Variants in FNBP4 observed in about 807,000 individuals in gnomAD.
FNBP4 encodes formin-binding protein 4.
A neutral mutation model predicts 119.3 loss-of-function variants in FNBP4; 34 were observed. The observed-to-expected ratio is 0.28, with a 90% CI of 0.22 to 0.38. The LOEUF (loss-of-function observed/expected upper bound fraction) is 0.38, where lower values mean the gene tolerates loss of function less well. Among genes scored for constraint, FNBP4 ranks in the 10% least tolerant of loss-of-function variants. The probability of loss-of-function intolerance (pLI) is 1.00; values close to 1 mark genes in which losing one functional copy is unlikely to be tolerated. For missense variants in FNBP4, 1,112 were observed against 1,228.9 expected, an observed-to-expected ratio of 0.90 and a Z score of 1.42; for synonymous variants, 462 against 430.6, an observed-to-expected ratio of 1.07 and a Z score of -0.90.
At position 47,732,418 on chromosome 11, in the gene FNBP4, C is replaced by G; in HGVS notation, c.1820+119G>C. The G allele has an allele frequency of 6.5e-7, 1 of 1,547,140 alleles. No individual in the cohort carries two copies. The highest frequency in any genetic ancestry group is 2.3e-5 in the East Asian group (1 of 44,306). ...CTTGCGGTGCTTTGCCTGCCCAGCA[C>G]CGCTAACTGCAGCTGCTCTCAGTCT... On this transcript the variant is annotated intron_variant, in intron 11 of 16. Coordinates refer to ENST00000263773, the MANE Select transcript of FNBP4 (RefSeq NM_015308.5). This position sits in a 1 kb window ranked among gnomAD's most constrained non-coding sequence, Gnocchi z 4.2.
chr11:47,760,714 G>A (rs763524398), intron 2 of FNBP4, among the ~76,000 whole-genome samples: 28 of 152,020 alleles, frequency 1.8e-4, no homozygotes, highest in Non-Finnish European at 2.8e-4. Context: ...GATCACAGGC[G>A]TGAGCCACCC....
intron 15 of FNBP4, among the ~76,000 whole-genome samples, chr11:47,722,111 C>A (rs1270944866): frequency 6.8e-6 from 1 of 146,000 alleles, no homozygotes; most frequent in Non-Finnish European, 1.5e-5. Flanking sequence ...CAAGCCACCC[C>A]CTGCCAGAAG....
At chr11:47,765,072 AAAC>A (rs1219893923) in intron 2 of FNBP4, among the ~76,000 whole-genome samples, 195 bp downstream of exon 2, 3 of 152,188 alleles carry the variant, frequency 2.0e-5, no homozygotes, top group Non-Finnish European at 2.9e-5. Flanking sequence ...GGGTAAAGAA[AAAC>A]AACAAATTTT....
intron 14 of FNBP4, 79 bp downstream of exon 14, chr11:47,723,949 C>T: frequency 1.3e-5 from 16 of 1,224,408 alleles, no homozygotes; most frequent in East Asian, 2.6e-5. Flanking sequence ...TTTAACATTT[C>T]TTTAGTTTTT....
intron 6 of FNBP4, among the ~76,000 whole-genome samples, chr11:47,747,016 ATC>A (rs1340321509): frequency 3.3e-5 from 5 of 152,066 alleles, no homozygotes; most frequent in African/African-American, 1.2e-4. Context: ...GACTGGATAA[ATC>A]TTTACCTTCT....
At chr11:47,731,695 A>G in intron 11 of FNBP4, 134 bp from the exon 12 acceptor site, 1 of 1,418,828 alleles carries the variant, frequency 7.0e-7, no homozygotes. Context: ...TCACAAAGGC[A>G]ACAAAGAGCT....
intron 14 of FNBP4, 137 bp downstream of exon 14, chr11:47,723,891 T>C (rs937853312): frequency 2.4e-6 from 2 of 826,642 alleles, no homozygotes; most frequent in South Asian, 4.8e-5. Context: ...TTTTTTTTTT[T>C]TTTTAAGTAA....
Position 47,732,088 on chromosome 11 carries a change from A to G in FNBP4, c.1820+449T>C. 3 of 993,850 alleles carry G rather than the reference A, an allele frequency of 3.0e-6. No homozygotes were observed. The highest frequency in any genetic ancestry group is 3.6e-6 in the Non-Finnish European group (3 of 835,668). 61.6% of individuals were successfully genotyped at this position (993,850 alleles called of 1,614,324 possible). A position where few individuals can be genotyped will look rare whatever the true frequency, so the allele number is the denominator to read the frequency against. On this transcript the variant is annotated intron_variant, in intron 11 of 16. Coordinates refer to ENST00000263773, the MANE Select transcript of FNBP4 (RefSeq NM_015308.5). This position sits in a 1 kb window ranked among gnomAD's most constrained non-coding sequence, Gnocchi z 4.2. The stretch of plus-strand genomic sequence containing the variant: ...AACGAAAAAAAAATCAAGAAAAGCC[A>G]AATATATAAAGAAATGTTTTCATCT...
intron 16 of FNBP4, 108 bp downstream of exon 16, chr11:47,719,821 G>T: frequency 1.8e-6 from 2 of 1,138,320 alleles, no homozygotes; most frequent in Non-Finnish European, 1.2e-6. Context: ...GTGATTTTAA[G>T]AATATGTCTA....
At chr11:47,754,908 C>G (rs1159635640) in intron 2 of FNBP4, among the ~76,000 whole-genome samples, 1 of 148,298 alleles carries the variant, frequency 6.7e-6, no homozygotes, top group African/African-American at 2.5e-5. Flanking sequence ...TTTGGGAGGC[C>G]GAGGTGGGTG....
intron 2 of FNBP4, among the ~76,000 whole-genome samples, chr11:47,760,512 A>C: frequency 6.6e-6 from 1 of 150,912 alleles, no homozygotes; most frequent in African/African-American, 2.4e-5. Flanking sequence ...GCTCACTGCA[A>C]CCTCTGCCTC....
chr11:47,759,447 C>T (rs1193390944), intron 2 of FNBP4, among the ~76,000 whole-genome samples: 2 of 151,942 alleles, frequency 1.3e-5, no homozygotes, highest in Admixed American at 1.3e-4. Flanking sequence ...CTCCTGACCT[C>T]AAGTGATCTG....
chr11:47,724,718 GTAAGT>G lies in FNBP4; in HGVS notation c.2064_2068del (p.Leu689SerfsTer46), dbSNP rs777437937. On this transcript the variant is annotated frameshift_variant, in exon 13 of 17. Coordinates refer to ENST00000263773, the MANE Select transcript of FNBP4 (RefSeq NM_015308.5). LOFTEE classifies it high-confidence loss of function. ...TGACTGAAGGAGGGTCCAGAATGGA[GTAAGT>G]GGCATGAGTGATGAAGAAGAAACTT... 1 of 1,608,422 alleles carries G rather than the reference GTAAGT, an allele frequency of 6.2e-7. No homozygotes were observed. The highest frequency in any genetic ancestry group is 2.2e-5 in the East Asian group (1 of 44,750).
intron 8 of FNBP4, 116 bp downstream of exon 8, chr11:47,743,837 T>C (rs1599214200): frequency 1.1e-6 from 1 of 910,252 alleles, no homozygotes; most frequent in East Asian, 2.6e-5. Flanking sequence ...CCAGCACTTC[T>C]CCCAAAGAGT....
intron 6 of FNBP4, among the ~76,000 whole-genome samples, chr11:47,749,593 C>CA (rs1174137879): frequency 2.6e-5 from 4 of 152,020 alleles, no homozygotes; most frequent in African/African-American, 9.6e-5. Flanking sequence ...TATTTTGATG[C>CA]AAAAAAGTCT....
chr11:47,736,451 G>C (rs1833531432), intron 9 of FNBP4, among the ~76,000 whole-genome samples, 165 bp downstream of exon 9: 1 of 151,628 alleles, frequency 6.6e-6, no homozygotes, highest in African/African-American at 2.4e-5. Flanking sequence ...AGCTACTGGG[G>C]AGGCTGAAGC....
rs1434962126 is a variant in FNBP4 at position 47,752,678 on chromosome 11, G to A, written c.637+238C>T. 5.1e-5 allele frequency: 20 copies of A among 388,634 alleles called. No individual in the cohort carries two copies. The East Asian group carries it at 7.5e-4, about 15-fold the overall frequency. The allele number at this position is 388,634 out of a possible 1,614,324, so 24.1% of individuals were successfully genotyped here. A position where few individuals can be genotyped will look rare whatever the true frequency, so the allele number is the denominator to read the frequency against. ...ACAAAAGAGAAATTAGCCAGGCATG[G>A]CAGTGTGCGCCTGTAGTCCCAGTTA... On this transcript the variant is annotated intron_variant, in intron 4 of 16. Transcript: ENST00000263773.
At chr11:47,756,183 T>C (rs535509439) in intron 2 of FNBP4, among the ~76,000 whole-genome samples, 286 of 152,308 alleles carry the variant, frequency 1.9e-3, no homozygotes, top group Middle Eastern at 0.014. Flanking sequence ...AATGCTGCTA[T>C]GCCATTTCCT....
intron 4 of FNBP4, among the ~76,000 whole-genome samples, chr11:47,752,316 T>A (rs1199418479): frequency 1.3e-5 from 2 of 150,728 alleles, no homozygotes; most frequent in South Asian, 2.1e-4. Context: ...TCCCAGCTGC[T>A]CAGGAGACTG....
Sources: gnomAD v4.1 joint callset for allele counts (sites outside exome capture counted in the v4.1 genomes callset) on GRCh38, gnomAD v4.1.1 for gene constraint, Gnocchi (gnomAD v3.1) non-coding constraint, MANE v1.5 for transcripts, NCBI Gene and HGNC (gene_info 2026-07-23, HGNC 2026-07-21) for gene names.